The following PSMC2 variants were observed in gnomAD, a reference collection of about 807,000 sequenced individuals.
PSMC2 encodes 26S proteasome regulatory subunit 7.
In PSMC2, 7 loss-of-function variants were observed where a neutral mutation model predicts 53.3. That is an observed-to-expected ratio of 0.13 (90% CI 0.07 to 0.25). The LOEUF (loss-of-function observed/expected upper bound fraction) is 0.25, where lower values mean the gene tolerates loss of function less well. Ranked by LOEUF, PSMC2 falls within the 10% of genes least tolerant of loss-of-function variation. The pLI is 1.00. For synonymous variants in PSMC2, 169 were observed against 183.9 expected (o/e 0.92, Z 0.66); for missense variants, 241 against 544.0 (o/e 0.44, Z 5.54).
chr7:103,367,817 G>GAACCCT lies in PSMC2; in HGVS notation c.1144+10_1144+11insCCCTAA. 6.2e-7 allele frequency: 1 copy of GAACCCT among 1,612,830 alleles called. No homozygotes were observed. Among genetic ancestry groups the GAACCCT allele is most frequent in the African/African-American group, 1.3e-5 (1 of 74,940 alleles). ...TGTGTCCAAATAGCACTGGTAAGTAGAAAGTTCTTGCTTATATTTGCTGGT... is the reference window on the plus strand; with the variant it reads ...TGTGTCCAAATAGCACTGGTAAGTAGAACCCTAAAGTTCTTGCTTATATTTGCTGGT... On this transcript the variant is annotated intron_variant, in intron 11 of 11. Transcript: ENST00000292644. This position sits in a 1 kb window ranked among gnomAD's most constrained non-coding sequence, Gnocchi z 6.1.
At chr7:103,365,500 A>G (rs369215485) in intron 8 of PSMC2, among the ~76,000 whole-genome samples, 1 of 152,076 alleles carries the variant, frequency 6.6e-6, no homozygotes, top group Non-Finnish European at 1.5e-5. Flanking sequence ...GTGGTGGCGC[A>G]TGTCTGTAAT....
intron 4 of PSMC2, among the ~76,000 whole-genome samples, chr7:103,361,336 T>TAAA (rs1170508055): frequency 1.2e-4 from 15 of 120,824 alleles, no homozygotes; most frequent in African/African-American, 3.4e-4. Context: ...CCCTCTCTAC[T>TAAA]AAAAAAAAAA....
intron 1 of PSMC2, among the ~76,000 whole-genome samples, chr7:103,349,029 A>T (rs1173246323): frequency 6.6e-6 from 1 of 152,192 alleles, no homozygotes; most frequent in East Asian, 1.9e-4. Flanking sequence ...TTTTGGATAT[A>T]ACTTCTTCCC....
At chr7:103,357,542 G>C (rs904097032) in intron 4 of PSMC2, among the ~76,000 whole-genome samples, 15 of 151,958 alleles carry the variant, frequency 9.9e-5, no homozygotes, top group Admixed American at 3.3e-4. Context: ...TTTCCATCAT[G>C]GAAGATGAGG....
intron 2 of PSMC2, 43 bp downstream of exon 2, chr7:103,354,001 G>A: frequency 1.4e-6 from 2 of 1,452,336 alleles, no homozygotes; most frequent in Non-Finnish European, 1.9e-6. Context: ...GTTTTATGTT[G>A]AAATAAAAAC....
At chr7:103,353,990 T>A in intron 2 of PSMC2, 32 bp downstream of exon 2, 3 of 1,488,062 alleles carry the variant, frequency 2.0e-6, no homozygotes, top group Non-Finnish European at 2.7e-6. Context: ...AAACTATAGA[T>A]GTTTTATGTT....
In PSMC2 at chr7:103,366,107, T is replaced by C; in HGVS notation, c.788T>C (p.Met263Thr). 1 of 1,614,016 alleles carries C rather than the reference T, an allele frequency of 6.2e-7. No homozygotes were observed. Among genetic ancestry groups the C allele is most frequent in the Non-Finnish European group, 8.5e-7 (1 of 1,179,930 alleles). Residue 263 changes from methionine (M) to threonine (T), a missense_variant, in exon 9 of 12, where the codon ATG (methionine) becomes ACG (threonine). Physicochemically the swap from Met to Thr is moderately conservative, Grantham distance 81 (BLOSUM62 -1). Coordinates refer to ENST00000292644, the MANE Select transcript of PSMC2 (RefSeq NM_002803.4). ...CGAATGGTTCGTGAACTCTTTGAAATGGCCAGAACAAAAAAAGCCTGCCTT... is the reference window on the plus strand; with the variant it reads ...CGAATGGTTCGTGAACTCTTTGAAACGGCCAGAACAAAAAAAGCCTGCCTT... ...GARMVRELFE[M>T]ARTKKACLIF...
In PSMC2 at chr7:103,349,569, C is replaced by T. The variant is rs1407975657; in HGVS notation, c.70+1788C>T. ...GTTCAAGGGATTCTCCTGCCTCAAC[C>T]TCCCAAGTAGCTGGGATTACAGGCA... On this transcript the variant is annotated intron_variant, in intron 1 of 11. Transcript: ENST00000292644. Among the ~76,000 whole-genome samples the T allele has an allele frequency of 2.6e-5, 4 of 152,106 alleles. No homozygotes were observed. The East Asian group carries it at 7.7e-4, about 29-fold the overall frequency.
chr7:103,357,459 T>A (rs1489715852), intron 4 of PSMC2, among the ~76,000 whole-genome samples: 1 of 152,236 alleles, frequency 6.6e-6, no homozygotes, highest in East Asian at 1.9e-4. Flanking sequence ...ATGGTTCTAA[T>A]GGATATTGCT....
chr7:103,363,479 A>T, intron 7 of PSMC2, 40 bp downstream of exon 7: 1 of 1,545,976 alleles, frequency 6.5e-7, no homozygotes, highest in South Asian at 1.1e-5. Context: ...CTTTGTATAA[A>T]GATGTCTTTT....
intron 1 of PSMC2, among the ~76,000 whole-genome samples, chr7:103,352,290 G>C (rs1819770648): frequency 7.0e-6 from 1 of 142,946 alleles, no homozygotes; most frequent in Admixed American, 7.1e-5. Context: ...TTGTATGATT[G>C]GTTCTTGTTT....
chr7:103,358,037 C>T (rs148547404), intron 4 of PSMC2, among the ~76,000 whole-genome samples: 1 of 152,324 alleles, frequency 6.6e-6, no homozygotes, highest in East Asian at 1.9e-4. Flanking sequence ...CCCTTTACCT[C>T]TCTCCTGTTG....
chr7:103,353,974 G>A lies in PSMC2; in HGVS notation c.108+16G>A, dbSNP rs1563484491. ...GAAAACTTATGTAAGTCCTTTCAGT[G>A]TCTACAAACTATAGATGTTTTATGT... On this transcript the variant is annotated intron_variant, in intron 2 of 11. Coordinates refer to ENST00000292644, the MANE Select transcript of PSMC2 (RefSeq NM_002803.4). 1.9e-6 allele frequency: 3 copies of A among 1,564,038 alleles called. No individual in the cohort carries two copies. Among genetic ancestry groups the A allele is most frequent in the South Asian group, 2.3e-5 (2 of 87,066 alleles).
In PSMC2 at chr7:103,367,656, T is replaced by A. The variant is rs748448312; in HGVS notation, c.1047+41T>A. 2.5e-6 allele frequency: 4 copies of A among 1,608,942 alleles called. No individual in the cohort carries two copies. The highest frequency in any genetic ancestry group is 1.7e-6 in the Non-Finnish European group (2 of 1,177,578). On this transcript the variant is annotated intron_variant, in intron 10 of 11. Coordinates refer to ENST00000292644, the MANE Select transcript of PSMC2 (RefSeq NM_002803.4). The surrounding 1 kb of genome is among the most constrained non-coding windows in gnomAD (Gnocchi z 6.1). ...CATTTTAGGAAAGGGATTTTTGAAG[T>A]TTTTTCTTCCTGTGATTTTTTTCCA...
rs528865070 is a variant in PSMC2 at position 103,356,044 on chromosome 7, T to C, written c.290+251T>C. On this transcript the variant is annotated intron_variant, in intron 4 of 11. Transcript: ENST00000292644. ...GAGCAAGAAATGAAAAACTCCCTTC[T>C]CATACTTGCTTTCCCGTTGCCCTTT... Among the ~76,000 whole-genome samples the C allele has an allele frequency of 2.2e-4, 33 of 152,344 alleles. No individual in the cohort carries two copies. In the South Asian group the frequency reaches 6.8e-3, roughly 32 times the overall value.
chr7:103,348,406 A>G (rs931789604), intron 1 of PSMC2, among the ~76,000 whole-genome samples: 1 of 152,112 alleles, frequency 6.6e-6, no homozygotes, highest in Non-Finnish European at 1.5e-5. Context: ...ATACTTCAAC[A>G]TCTTGATTTT....
At chr7:103,354,042 G>T in intron 2 of PSMC2, 84 bp downstream of exon 2, 1 of 1,114,736 alleles carries the variant, frequency 9.0e-7, no homozygotes. Flanking sequence ...AAAATAATTA[G>T]AAGAAGTTAA....
At chr7:103,350,284 A>G (rs1000008716) in intron 1 of PSMC2, among the ~76,000 whole-genome samples, 5 of 152,176 alleles carry the variant, frequency 3.3e-5, no homozygotes, top group Admixed American at 6.5e-5. Flanking sequence ...AGGAAGACCT[A>G]GGTTTGAATC....
intron 2 of PSMC2, 42 bp from the exon 3 acceptor site, chr7:103,354,826 T>G: frequency 1.6e-6 from 2 of 1,254,940 alleles, no homozygotes; most frequent in Non-Finnish European, 1.2e-6. Context: ...AATAAATGGT[T>G]GATATCCTGA....
Sources: gnomAD v4.1 joint callset for allele counts (sites outside exome capture counted in the v4.1 genomes callset) on GRCh38, gnomAD v4.1.1 for gene constraint, Gnocchi (gnomAD v3.1) non-coding constraint, MANE v1.5 for transcripts, NCBI Gene and HGNC (gene_info 2026-07-23, HGNC 2026-07-21) for gene names.